VPS13C: variants seen among roughly 807,000 people sequenced by gnomAD.
VPS13C encodes the protein intermembrane lipid transfer protein VPS13C.
Under a neutral mutation model 456.8 loss-of-function variants are expected in VPS13C, and 358 were observed. The ratio of observed to expected loss-of-function variants is 0.78; its 90% CI spans 0.72 to 0.86. The LOEUF is 0.86. Among genes scored for constraint, VPS13C ranks in the 40% least tolerant of loss-of-function variants. The pLI is 0.00. For missense variants in VPS13C, 4,818 were observed against 4,385.4 expected (o/e 1.10, Z -2.79); for synonymous variants, 1,578 against 1,486.7 (o/e 1.06, Z -1.41).
At chr15:62,037,143 T>A (rs2048027187) in intron 3 of VPS13C, among the ~76,000 whole-genome samples, 1 of 133,542 alleles carries the variant, frequency 7.5e-6, no homozygotes, top group African/African-American at 2.8e-5. Context: ...CATTAGAAAA[T>A]CTCCTCCATA....
At chr15:61,894,305 C>G (rs977522248) in intron 66 of VPS13C, among the ~76,000 whole-genome samples, 6 of 150,274 alleles carry the variant, frequency 4.0e-5, no homozygotes, top group Admixed American at 2.7e-4. Flanking sequence ...AAGACTCCGT[C>G]TCAAAACAAA....
intron 8 of VPS13C, among the ~76,000 whole-genome samples, 169 bp downstream of exon 8, chr15:62,023,242 A>C (rs1000123168): frequency 1.1e-4 from 16 of 151,960 alleles, no homozygotes; most frequent in African/African-American, 3.9e-4. Flanking sequence ...ATTTATGTAC[A>C]TAAATGCCCA....
intron 16 of VPS13C, among the ~76,000 whole-genome samples, chr15:61,992,804 A>C (rs2046264455): frequency 6.6e-6 from 1 of 152,118 alleles, no homozygotes; most frequent in African/African-American, 2.4e-5. Context: ...AAAAATGCCA[A>C]AGCCAAAGCC....
At chr15:61,893,386 A>C (rs1460977829) in intron 66 of VPS13C, among the ~76,000 whole-genome samples, 1 of 152,210 alleles carries the variant, frequency 6.6e-6, no homozygotes, top group African/African-American at 2.4e-5. Flanking sequence ...TATCCAACAA[A>C]GCTTTGTTTC....
At chr15:62,004,513 T>C (rs1206807550) in intron 15 of VPS13C, among the ~76,000 whole-genome samples, 1 of 147,496 alleles carries the variant, frequency 6.8e-6, no homozygotes, top group East Asian at 2.0e-4. Context: ...TTTGTGTCTC[T>C]ATTTCCTTCA....
At chr15:61,996,039 G>A (rs2046373780) in intron 16 of VPS13C, among the ~76,000 whole-genome samples, 1 of 152,192 alleles carries the variant, frequency 6.6e-6, no homozygotes, top group African/African-American at 2.4e-5. Context: ...AGTAAATGGA[G>A]TTCATGAAGG....
At chr15:61,921,775 C>T (rs1290944698) in intron 55 of VPS13C, among the ~76,000 whole-genome samples, 172 bp downstream of exon 55, 15 of 151,976 alleles carry the variant, frequency 9.9e-5, no homozygotes. Flanking sequence ...ACTATACACT[C>T]GTGAGAGAAT....
At position 61,973,517 on chromosome 15, in the gene VPS13C, T is replaced by A; in HGVS notation, c.2554A>T (p.Ile852Phe). 6.2e-7 allele frequency: 1 copy of A among 1,612,500 alleles called. No homozygotes were observed. The highest frequency in any genetic ancestry group is 8.5e-7 in the Non-Finnish European group (1 of 1,178,896). ...AGACCTTTTGTACCACCTGAAATAA[T>A]AGGAATTGAGGATACCTAGCAAAGA... ...SPERQVSSIP[I>F]ISGGTKGLLG... The change falls in exon 26 of 85, where the codon ATT becomes TTT. Residue 852 changes from isoleucine to phenylalanine, a missense_variant. By Grantham distance (21) the Ile-to-Phe change is conservative. Coordinates refer to ENST00000644861, the MANE Select transcript of VPS13C (RefSeq NM_020821.3).
Position 61,858,592 on chromosome 15 carries a change from AT to A in VPS13C, c.10953-2184del, listed in dbSNP as rs1158084892. On this transcript the variant is annotated intron_variant, in intron 82 of 84. Coordinates refer to ENST00000644861, the MANE Select transcript of VPS13C (RefSeq NM_020821.3). This position sits in a 1 kb window ranked among gnomAD's most constrained non-coding sequence, Gnocchi z 4.4. ...GTGCCCTGGACTTTGAATATAATGG[AT>A]TTTACTTCCAAGATTAGGTTATTAT... Among the ~76,000 whole-genome samples the A allele has an allele frequency of 1.3e-5, 2 of 152,120 alleles. No individual in the cohort carries two copies. Among genetic ancestry groups the A allele is most frequent in the East Asian group, 3.9e-4 (2 of 5,192 alleles).
In VPS13C at chr15:61,941,809, C is replaced by G; in HGVS notation, c.5407G>C (p.Val1803Leu). The change falls in exon 46 of 85, where the codon GTC (valine) becomes CTC (leucine). Residue 1803 changes from valine (V) to leucine (L), a missense_variant. Val to Leu is a conservative substitution (Grantham distance 32). This residue lies in a region of VPS13C where 4,552 missense variants were observed against 4,130.6 expected (regional missense o/e 1.10). Transcript: ENST00000644861. ...VPMEHYSLPP[V>L]IDKMNIELTQ... ...AGTTCGATGTTCATTTTATCAATGA[C>G]TGGAGGAAGAGAATAATGTTCCATA... The G allele has an allele frequency of 6.2e-7, 1 of 1,613,376 alleles. No homozygotes were observed. The highest frequency in any genetic ancestry group is 8.5e-7 in the Non-Finnish European group (1 of 1,179,552).
intron 15 of VPS13C, among the ~76,000 whole-genome samples, chr15:62,002,773 G>C (rs1340954107): frequency 2.0e-5 from 3 of 152,148 alleles, no homozygotes; most frequent in African/African-American, 7.2e-5. Flanking sequence ...TTATTAAATA[G>C]GGAATCCTTT....
At chr15:61,864,994 C>T (rs1894443471) in intron 81 of VPS13C, 3 of 984,254 alleles carry the variant, frequency 3.0e-6, no homozygotes, top group African/African-American at 1.8e-5. Flanking sequence ...AAGCCATTGA[C>T]AGTTTTTAAA....
At chr15:61,911,714 A>G (rs1041901099) in intron 63 of VPS13C, 126 bp downstream of exon 63, 1 of 991,908 alleles carries the variant, frequency 1.0e-6, no homozygotes, top group African/African-American at 1.7e-5. Flanking sequence ...AAATCTTTCA[A>G]AGCTGGCTGT....
At chr15:62,034,202 T>C (rs375064093) in intron 4 of VPS13C, among the ~76,000 whole-genome samples, 22 of 151,822 alleles carry the variant, frequency 1.4e-4, no homozygotes, top group East Asian at 5.8e-4. Context: ...ACTGTCACTG[T>C]CACTGTGAAA....
At chr15:61,859,766 C>G (rs2140840561) in intron 82 of VPS13C, among the ~76,000 whole-genome samples, 1 of 152,138 alleles carries the variant, frequency 6.6e-6, no homozygotes, top group Middle Eastern at 3.4e-3. Context: ...TAGCCCCCTG[C>G]CCATTAAAAT....
chr15:61,902,063 G>A (rs1208065087), intron 66 of VPS13C, among the ~76,000 whole-genome samples: 1 of 145,754 alleles, frequency 6.9e-6, no homozygotes. Flanking sequence ...ACTGAACAAT[G>A]CGATCACATG....
At position 61,941,352 on chromosome 15, in the gene VPS13C, T is replaced by G. The variant is rs34879907; in HGVS notation, c.5453+411A>C. On this transcript the variant is annotated intron_variant, in intron 46 of 84. Coordinates refer to ENST00000644861, the MANE Select transcript of VPS13C (RefSeq NM_020821.3). Reference sequence around the variant, plus strand: ...CATTTCGATTCACTAATCCTTTCGATAACTCACTGAAAATTCCCAAATGTG... The same window carrying G: ...CATTTCGATTCACTAATCCTTTCGAGAACTCACTGAAAATTCCCAAATGTG... Among the ~76,000 whole-genome samples the G allele has an allele frequency of 5.6e-3, 854 of 152,280 alleles. 2 individuals are homozygous for G. Among genetic ancestry groups the G allele is most frequent in the Non-Finnish European group, 8.8e-3 (600 of 68,010 alleles).
intron 13 of VPS13C, among the ~76,000 whole-genome samples, 163 bp downstream of exon 13, chr15:62,010,309 T>A (rs2046996325): frequency 6.6e-6 from 1 of 152,186 alleles, no homozygotes; most frequent in African/African-American, 2.4e-5. Flanking sequence ...AAAAACTACT[T>A]AAATTTGAAA....
intron 66 of VPS13C, among the ~76,000 whole-genome samples, chr15:61,896,689 T>C (rs2140095933): frequency 6.6e-6 from 1 of 152,280 alleles, no homozygotes; most frequent in South Asian, 2.1e-4. Context: ...GTGCCCGCCA[T>C]TGCCCAGGCT....
Sources: allele counts gnomAD v4.1 joint callset (sites outside exome capture counted in the v4.1 genomes callset), GRCh38; gene constraint gnomAD v4.1.1; regional missense constraint gnomAD v4.1.1; non-coding constraint Gnocchi (gnomAD v3.1); transcripts MANE v1.5; gene names NCBI Gene and HGNC (gene_info 2026-07-23, HGNC 2026-07-21).